The following COL19A1 variants were observed in gnomAD, a reference collection of about 807,000 sequenced individuals.
The protein encoded by COL19A1 is collagen type XIX alpha 1 chain.
COL19A1 carries 159 observed loss-of-function variants against 190.2 expected under a neutral mutation model. The observed-to-expected ratio is 0.84, with a 90% CI of 0.73 to 0.95. The LOEUF is 0.95. Among genes scored for constraint, COL19A1 ranks in the 40% least tolerant of loss-of-function variants. COL19A1 has a pLI of 0.00. For synonymous variants in COL19A1, 509 were observed against 458.9 expected (o/e 1.11, Z -1.39); for missense variants, 1,418 against 1,431.9 (o/e 0.99, Z 0.16).
At chr6:69,928,678 G>A (rs1347935095) in intron 5 of COL19A1, among the ~76,000 whole-genome samples, 1 of 152,120 alleles carries the variant, frequency 6.6e-6, no homozygotes, top group Non-Finnish European at 1.5e-5. Context: ...CAGCTCATCG[G>A]AATTGGGGGA....
chr6:69,926,339 A>G (rs1208068616), intron 4 of COL19A1, among the ~76,000 whole-genome samples: 1 of 152,192 alleles, frequency 6.6e-6, no homozygotes, highest in Non-Finnish European at 1.5e-5. Context: ...CTTACTTAAC[A>G]ATAACTTTGT....
chr6:69,938,770 C>A (rs1773273706), intron 9 of COL19A1, among the ~76,000 whole-genome samples: 1 of 151,952 alleles, frequency 6.6e-6, no homozygotes, highest in Non-Finnish European at 1.5e-5. Context: ...AGGCTATATC[C>A]CATGCTTAGA....
At chr6:70,139,043 G>A (rs911407044) in intron 19 of COL19A1, among the ~76,000 whole-genome samples, 1 of 152,016 alleles carries the variant, frequency 6.6e-6, no homozygotes, top group African/African-American at 2.4e-5. Context: ...ATTTCCACAT[G>A]ATGCATGGAG....
intron 49 of COL19A1, among the ~76,000 whole-genome samples, chr6:70,204,953 C>G (rs1239730842): frequency 6.6e-6 from 1 of 151,906 alleles, no homozygotes; most frequent in Non-Finnish European, 1.5e-5. Context: ...ACATTTTTTT[C>G]CTGCTGTTCA....
At chr6:69,886,188 T>C (rs1768919098) in intron 2 of COL19A1, among the ~76,000 whole-genome samples, 1 of 152,164 alleles carries the variant, frequency 6.6e-6, no homozygotes, top group East Asian at 1.9e-4. Context: ...TGCATATTTC[T>C]ACAAAAAAGA....
chr6:70,187,750 G>C (rs946858622), intron 46 of COL19A1, among the ~76,000 whole-genome samples: 1 of 151,872 alleles, frequency 6.6e-6, no homozygotes, highest in African/African-American at 2.4e-5. Context: ...AGCTGGTATT[G>C]ACTCAAAACT....
intron 2 of COL19A1, chr6:69,890,571 G>C (rs1178933055): frequency 6.6e-6 from 1 of 152,100 alleles, no homozygotes. Flanking sequence ...AGTTTACCAG[G>C]TAAAATACAG....
At chr6:70,069,875 T>G (rs1781448406) in intron 15 of COL19A1, among the ~76,000 whole-genome samples, 1 of 152,176 alleles carries the variant, frequency 6.6e-6, no homozygotes, top group Non-Finnish European at 1.5e-5. Context: ...TTTTAAAAAA[T>G]GATTTGAATC....
At chr6:70,150,463 G>A (rs770081554) in intron 30 of COL19A1, among the ~76,000 whole-genome samples, 3 of 152,076 alleles carry the variant, frequency 2.0e-5, no homozygotes, top group Non-Finnish European at 2.9e-5. Context: ...AAAATGTTGC[G>A]ATGATTAAAT....
At chr6:70,096,255 AT>A in intron 15 of COL19A1, among the ~76,000 whole-genome samples, 1 of 125,632 alleles carries the variant, frequency 8.0e-6, no homozygotes, top group Admixed American at 8.9e-5. Flanking sequence ...TGCCCAGCTA[AT>A]TTTTGTATTT....
At chr6:70,105,403 G>A (rs868674344) in intron 16 of COL19A1, among the ~76,000 whole-genome samples, 5 of 152,164 alleles carry the variant, frequency 3.3e-5, no homozygotes, top group Middle Eastern at 3.4e-3. Flanking sequence ...TGATCCACTC[G>A]CCTCAGCCTC....
intron 15 of COL19A1, among the ~76,000 whole-genome samples, chr6:70,097,416 T>C (rs1243611714): frequency 2.0e-5 from 3 of 152,104 alleles, no homozygotes; most frequent in African/African-American, 7.2e-5. Context: ...TGTATGTTTG[T>C]ACCACATTTT....
Position 70,144,266 on chromosome 6 carries a change from A to G in COL19A1, c.1680+3A>G, listed in dbSNP as rs905802346. On this transcript the variant is annotated splice_donor_region_variant and intron_variant, in intron 24 of 50. Coordinates refer to ENST00000620364, the MANE Select transcript of COL19A1 (RefSeq NM_001858.6). Reference sequence around the variant, plus strand: ...AACAAGGCATTAAAGGAGAAAAGGTATAGTTTACATTTTCCTCATTTTATA... The same window carrying G: ...AACAAGGCATTAAAGGAGAAAAGGTGTAGTTTACATTTTCCTCATTTTATA... 3.7e-6 allele frequency: 6 copies of G among 1,610,994 alleles called. No homozygotes were observed. The African/African-American group carries it at 6.7e-5, about 18-fold the overall frequency.
intron 15 of COL19A1, among the ~76,000 whole-genome samples, chr6:70,094,799 T>C (rs1165270739): frequency 2.0e-5 from 3 of 152,186 alleles, no homozygotes; most frequent in Non-Finnish European, 4.4e-5. Flanking sequence ...TTCTTGCTGT[T>C]AATAGTGACC....
intron 4 of COL19A1, among the ~76,000 whole-genome samples, chr6:69,911,228 T>C (rs893407047): frequency 6.6e-6 from 1 of 152,224 alleles, no homozygotes; most frequent in Non-Finnish European, 1.5e-5. Flanking sequence ...ATTACTTTAT[T>C]GTCATTTCAA....
At chr6:70,167,767 A>G (rs972004488) in intron 37 of COL19A1, among the ~76,000 whole-genome samples, 1 of 152,250 alleles carries the variant, frequency 6.6e-6, no homozygotes, top group Non-Finnish European at 1.5e-5. Context: ...AAACCTGAAC[A>G]TTAATTAAAC....
intron 46 of COL19A1, among the ~76,000 whole-genome samples, chr6:70,186,919 C>G (rs1364554422): frequency 6.6e-6 from 1 of 151,982 alleles, no homozygotes; most frequent in African/African-American, 2.4e-5. Context: ...CTCTTGTTGC[C>G]CAGGCTAGAG....
intron 9 of COL19A1, among the ~76,000 whole-genome samples, chr6:69,948,850 A>G (rs933637290): frequency 2.6e-5 from 4 of 151,832 alleles, no homozygotes; most frequent in Non-Finnish European, 5.9e-5. Flanking sequence ...AATACTGATA[A>G]TCTAGTTAGA....
In COL19A1 at chr6:69,950,717, T is replaced by C. The variant is rs1044682015; in HGVS notation, c.937-9279T>C. ...ACACACACACACACACACACACACA[T>C]GTTCACACCTTGCATCCTCATGGTA... On this transcript the variant is annotated intron_variant, in intron 9 of 50. Transcript: ENST00000620364. Among the ~76,000 whole-genome samples the C allele has an allele frequency of 1.4e-4, 18 of 131,976 alleles. No individual in the cohort carries two copies. In the South Asian group the frequency reaches 1.6e-3, roughly 12 times the overall value. 86.6% of individuals were successfully genotyped at this position (131,976 alleles called of 152,430 possible).
Sources: gnomAD v4.1 joint callset for allele counts (sites outside exome capture counted in the v4.1 genomes callset) on GRCh38, gnomAD v4.1.1 for gene constraint, MANE v1.5 for transcripts, NCBI Gene and HGNC (gene_info 2026-07-23, HGNC 2026-07-21) for gene names.